NFASC: variants seen among roughly 807,000 people sequenced by gnomAD.
NFASC encodes neurofascin, also known as neurofascin homolog.
Under a neutral mutation model 147.5 loss-of-function variants are expected in NFASC, and 43 were observed. The ratio of observed to expected loss-of-function variants is 0.29; its 90% CI spans 0.23 to 0.38. The LOEUF is 0.38. NFASC is among the 10% of genes least tolerant of loss of function. The probability of loss-of-function intolerance (pLI) is 1.00; values close to 1 mark genes in which losing one functional copy is unlikely to be tolerated. For synonymous variants in NFASC, 622 were observed against 665.5 expected (o/e 0.93, Z 1.01); for missense variants, 1,320 against 1,689.0 (o/e 0.78, Z 3.83).
intron 1 of NFASC, among the ~76,000 whole-genome samples, chr1:204,851,190 A>G (rs1335493524): frequency 6.6e-6 from 1 of 152,232 alleles, no homozygotes; most frequent in African/African-American, 2.4e-5. Flanking sequence ...CACCAAGTGT[A>G]TGAATTTCCA....
At chr1:204,991,984 G>T (rs1482199774) in intron 24 of NFASC, among the ~76,000 whole-genome samples, 1 of 152,166 alleles carries the variant, frequency 6.6e-6, no homozygotes, top group Non-Finnish European at 1.5e-5. Flanking sequence ...CCACTCTCGG[G>T]GTATGGGAGG....
chr1:204,969,794 C>G (rs2095153177), intron 10 of NFASC, among the ~76,000 whole-genome samples: 1 of 152,112 alleles, frequency 6.6e-6, no homozygotes, highest in Non-Finnish European at 1.5e-5. Flanking sequence ...GAGAACTGCT[C>G]TAGCTGGGCG....
At chr1:204,932,688 G>A (rs1332192911) in intron 2 of NFASC, among the ~76,000 whole-genome samples, 4 of 152,204 alleles carry the variant, frequency 2.6e-5, no homozygotes, top group Non-Finnish European at 4.4e-5. Flanking sequence ...TTCACACTGC[G>A]AAGGTAAAGT....
chr1:204,931,095 A>C (rs2092329998), intron 2 of NFASC, among the ~76,000 whole-genome samples: 1 of 152,218 alleles, frequency 6.6e-6, no homozygotes, highest in Admixed American at 6.5e-5. Context: ...AAAAAAAAGA[A>C]TATGAATGAG....
At chr1:204,873,062 G>A (rs1397661066) in intron 1 of NFASC, among the ~76,000 whole-genome samples, 1 of 152,110 alleles carries the variant, frequency 6.6e-6, no homozygotes, top group Non-Finnish European at 1.5e-5. Flanking sequence ...ACAATAAAGT[G>A]GGTTATTTTG....
At chr1:204,993,921 GTCC>G (rs2095795045) in intron 24 of NFASC, 1 of 416,556 alleles carries the variant, frequency 2.4e-6, no homozygotes, top group Non-Finnish European at 5.0e-6. Flanking sequence ...TGGAACACTT[GTCC>G]TCCTCTCGTT....
chr1:204,962,631 T>G (rs115369452), intron 8 of NFASC, among the ~76,000 whole-genome samples: 158 of 152,316 alleles, frequency 1.0e-3, no homozygotes, highest in Middle Eastern at 3.4e-3. Context: ...AATCTCACCT[T>G]AGTTACCGGG....
At chr1:204,998,696 G>GTTCTT (rs1272426314) in intron 25 of NFASC, 1 of 147,810 alleles carries the variant, frequency 6.8e-6, no homozygotes, top group African/African-American at 2.5e-5. Flanking sequence ...GGTGATTGAT[G>GTTCTT]TTCTTTGGGG....
At chr1:204,951,086 A>C (rs569876289) in intron 4 of NFASC, among the ~76,000 whole-genome samples, 1 of 151,778 alleles carries the variant, frequency 6.6e-6, no homozygotes, top group Admixed American at 6.6e-5. Context: ...TGTGCTAGGC[A>C]TTGTAAGGTA....
In NFASC at chr1:204,877,066, ATT is replaced by A. The variant is rs1302215677; in HGVS notation, c.-199-43564_-199-43563del. Among the ~76,000 whole-genome samples the A allele has an allele frequency of 1.2e-4, 13 of 110,052 alleles. 2 individuals are homozygous for A. Among genetic ancestry groups the A allele is most frequent in the Admixed American group, 5.4e-4 (5 of 9,342 alleles). The allele number at this position is 110,052 out of a possible 152,430, so 72.2% of individuals were successfully genotyped here. A position where few individuals can be genotyped will look rare whatever the true frequency, so the allele number is the denominator to read the frequency against. On this transcript the variant is annotated intron_variant, in intron 1 of 29. Transcript: ENST00000339876. ...ATATATATAATATATTTATTTATAT[ATT>A]TATATATATATAATATATTTATTTA... is the stretch of plus-strand genomic sequence containing the variant.
At position 204,902,943 on chromosome 1, in the gene NFASC, G is replaced by A. The variant is rs146702820; in HGVS notation, c.-199-17689G>A. Among the ~76,000 whole-genome samples, 10 of 152,278 alleles carry A rather than the reference G, an allele frequency of 6.6e-5. No individual in the cohort carries two copies. The East Asian group carries it at 1.4e-3, about 21-fold the overall frequency. ...ATGTATTTCCGCAGCCATGTCCAGC[G>A]GCACATGCAGGCACAGAGTAGGTGG... On this transcript the variant is annotated intron_variant, in intron 1 of 29. Coordinates refer to ENST00000339876, the MANE Select transcript of NFASC (RefSeq NM_001005388.3).
Position 204,957,750 on chromosome 1 carries a change from C to A in NFASC, c.630C>A (p.Asp210Glu). ...TGATGCTGCAGGACATGCAGACCGACTACAGTTGTAACGCCCGCTTCCACT... is the reference window on the plus strand; with the variant it reads ...TGATGCTGCAGGACATGCAGACCGAATACAGTTGTAACGCCCGCTTCCACT... ...SNVMLQDMQT[D>E]YSCNARFHFT... The change falls in exon 8 of 30, where the codon GAC (aspartate) becomes GAA (glutamate). Residue 210 changes from aspartate (D) to glutamate (E), a missense_variant. By Grantham distance (45) the Asp-to-Glu change is conservative. Coordinates refer to ENST00000339876, the MANE Select transcript of NFASC (RefSeq NM_001005388.3). 3 of 1,614,192 alleles carry A rather than the reference C, an allele frequency of 1.9e-6. No homozygotes were observed. Among genetic ancestry groups the A allele is most frequent in the Non-Finnish European group, 2.5e-6 (3 of 1,180,034 alleles).
chr1:204,973,277 G>A lies in NFASC; in HGVS notation c.1137G>A (p.Ser379=), dbSNP rs148671147. 25 of 1,613,962 alleles carry A rather than the reference G, an allele frequency of 1.5e-5. No individual in the cohort carries two copies. The East Asian group carries it at 2.0e-4, about 13-fold the overall frequency. ...GGAGCGTCTCTTTCTTGTCTGTAGC[G>A]GCACCACCTAACCCAAACCGTGAGG... ...QWMVNGEPLQ[S]APPNPNREVA... Residue 379 remains serine, a splice_region_variant and synonymous_variant, in exon 12 of 30, where the codon TCG becomes TCA. Coordinates refer to ENST00000339876, the MANE Select transcript of NFASC (RefSeq NM_001005388.3).
chr1:204,839,368 A>AACACACACAC (rs55784616), intron 1 of NFASC, among the ~76,000 whole-genome samples: 76 of 135,194 alleles, frequency 5.6e-4, no homozygotes, highest in African/African-American at 1.9e-3. Context: ...GCACGTATGA[A>AACACACACAC]ACACACACAC....
At chr1:204,985,833 C>A in intron 21 of NFASC, 2 of 892,674 alleles carry the variant, frequency 2.2e-6, no homozygotes. Context: ...AAGGAAAGAC[C>A]GGTCACTACC....
intron 1 of NFASC, among the ~76,000 whole-genome samples, chr1:204,864,719 T>C (rs1210330301): frequency 3.3e-5 from 5 of 152,218 alleles, no homozygotes; most frequent in Admixed American, 3.3e-4. Context: ...TGTTTTTAAA[T>C]TGGCTTTTGG....
intron 1 of NFASC, among the ~76,000 whole-genome samples, chr1:204,895,597 A>T (rs867425644): frequency 2.0e-5 from 3 of 152,244 alleles, no homozygotes; most frequent in Admixed American, 2.0e-4. Context: ...ATTTCAGCTT[A>T]CAAAGATGGG....
rs1368354363 is a variant in NFASC at position 205,015,672 on chromosome 1, C to A, written c.3492-636C>A. ...ATCACCTGCTTACCTGTGTGCCCCC[C>A]CACCACCACCACTCTTGCGCACCTG... On this transcript the variant is annotated intron_variant, in intron 29 of 29. Coordinates refer to ENST00000339876, the MANE Select transcript of NFASC (RefSeq NM_001005388.3). This position sits in a 1 kb window ranked among gnomAD's most constrained non-coding sequence, Gnocchi z 4.0. Among the ~76,000 whole-genome samples the A allele has an allele frequency of 2.6e-5, 4 of 152,110 alleles. No homozygotes were observed. The highest frequency in any genetic ancestry group is 5.9e-5 in the Non-Finnish European group (4 of 68,014).
chr1:204,958,850 G>A (rs952048554), intron 8 of NFASC, among the ~76,000 whole-genome samples: 1 of 152,178 alleles, frequency 6.6e-6, no homozygotes, highest in African/African-American at 2.4e-5. Context: ...CTCCCCGGGT[G>A]GGTGTGGGTC....
Sources: gnomAD v4.1 joint callset for allele counts (sites outside exome capture counted in the v4.1 genomes callset) on GRCh38, gnomAD v4.1.1 for gene constraint, Gnocchi (gnomAD v3.1) non-coding constraint, MANE v1.5 for transcripts, NCBI Gene and HGNC (gene_info 2026-07-23, HGNC 2026-07-21) for gene names.